ANKS1B: variants seen among roughly 807,000 people sequenced by gnomAD.
ANKS1B encodes ankyrin repeat and sterile alpha motif domain containing 1B.
Under a neutral mutation model 148.3 loss-of-function variants are expected in ANKS1B, and 36 were observed. That is an observed-to-expected ratio of 0.24 (90% confidence interval 0.19 to 0.32). The LOEUF is 0.32. Among genes scored for constraint, ANKS1B ranks in the 10% least tolerant of loss-of-function variants. ANKS1B has a pLI of 1.00. For missense variants in ANKS1B, 1,157 were observed against 1,542.6 expected (o/e 0.75, Z 4.19); for synonymous variants, 542 against 560.8 (o/e 0.97, Z 0.47).
At chr12:98,938,324 G>A (rs769723193) in intron 17 of ANKS1B, among the ~76,000 whole-genome samples, 25 of 152,100 alleles carry the variant, frequency 1.6e-4, no homozygotes, top group Non-Finnish European at 1.2e-4. Flanking sequence ...ATCAAGTGAC[G>A]TGAGCAAAAC....
At chr12:99,053,364 C>T (rs571654000) in intron 16 of ANKS1B, 55 bp from the exon 17 acceptor site, 85 of 1,324,520 alleles carry the variant, frequency 6.4e-5, no homozygotes, top group South Asian at 1.7e-4. Flanking sequence ...GTCCCAACAA[C>T]AGAATGCAGA....
At chr12:99,763,304 G>A (rs1601659282) in intron 8 of ANKS1B, among the ~76,000 whole-genome samples, 1 of 152,166 alleles carries the variant, frequency 6.6e-6, no homozygotes, top group African/African-American at 2.4e-5. Flanking sequence ...GGGATACTAT[G>A]CAGCCATAAA....
At chr12:99,226,857 GC>G (rs1416493842) in intron 14 of ANKS1B, among the ~76,000 whole-genome samples, 2 of 152,130 alleles carry the variant, frequency 1.3e-5, no homozygotes, top group African/African-American at 4.8e-5. Flanking sequence ...GGATTTTCAA[GC>G]CACTCAAAAA....
At chr12:99,340,242 A>C (rs961639957) in intron 12 of ANKS1B, among the ~76,000 whole-genome samples, 10 of 152,122 alleles carry the variant, frequency 6.6e-5, no homozygotes, top group African/African-American at 2.4e-5. Context: ...CTGATGATCA[A>C]AATTTATTTC....
intron 9 of ANKS1B, among the ~76,000 whole-genome samples, chr12:99,599,759 A>AC (rs2097786364): frequency 6.6e-6 from 1 of 152,022 alleles, no homozygotes; most frequent in African/African-American, 2.4e-5. Flanking sequence ...GCAAGGATGA[A>AC]CCTGGCTTTG....
chr12:99,847,483 G>A (rs1158006880), intron 1 of ANKS1B, among the ~76,000 whole-genome samples: 2 of 152,098 alleles, frequency 1.3e-5, no homozygotes, highest in African/African-American at 4.8e-5. Context: ...CATTCTAGAA[G>A]GAGTCCTGCC....
At chr12:99,589,736 C>T (rs1268788529) in intron 9 of ANKS1B, among the ~76,000 whole-genome samples, 1 of 152,016 alleles carries the variant, frequency 6.6e-6, no homozygotes, top group Non-Finnish European at 1.5e-5. Flanking sequence ...CTAATGGAAA[C>T]CACCTAAATG....
intron 10 of ANKS1B, among the ~76,000 whole-genome samples, chr12:99,480,791 T>C (rs1048203720): frequency 6.6e-6 from 1 of 151,878 alleles, no homozygotes; most frequent in Non-Finnish European, 1.5e-5. Flanking sequence ...ATATCTTCAT[T>C]AGTTTTTTCC....
At chr12:99,883,912 T>C (rs2092687032) in intron 1 of ANKS1B, among the ~76,000 whole-genome samples, 1 of 151,926 alleles carries the variant, frequency 6.6e-6, no homozygotes, top group African/African-American at 2.4e-5. Context: ...TGAGACTCTG[T>C]CTCAAAAAAT....
rs2076335554 is a variant in ANKS1B at position 99,158,709 on chromosome 12, T to G, written c.2420-4314A>C. Reference sequence around the variant, plus strand: ...TCCAAAGACAGACACTAAAACTTGGTAAAAACAGATTCTGAGATTCTGTAG... The same window carrying G: ...TCCAAAGACAGACACTAAAACTTGGGAAAAACAGATTCTGAGATTCTGTAG... On this transcript the variant is annotated intron_variant, in intron 14 of 26. Coordinates refer to ENST00000683438, the MANE Select transcript of ANKS1B (RefSeq NM_001352186.2). Among the ~76,000 whole-genome samples the G allele has an allele frequency of 7.3e-5, 3 of 41,280 alleles. No individual in the cohort carries two copies. The South Asian group carries it at 3.2e-3, about 44-fold the overall frequency. 27.1% of individuals were successfully genotyped at this position (41,280 alleles called of 152,430 possible).
chr12:99,819,095 T>C (rs986060332), intron 2 of ANKS1B, among the ~76,000 whole-genome samples: 4 of 151,890 alleles, frequency 2.6e-5, no homozygotes, highest in Non-Finnish European at 5.9e-5. Context: ...AATTAACATC[T>C]AATGAAACTC....
chr12:99,297,938 G>A (rs1028323304), intron 12 of ANKS1B, among the ~76,000 whole-genome samples: 7 of 151,144 alleles, frequency 4.6e-5, no homozygotes, highest in Non-Finnish European at 8.8e-5. Flanking sequence ...ATTAATCCAC[G>A]TTTTTATAAT....
intron 8 of ANKS1B, among the ~76,000 whole-genome samples, chr12:99,673,338 G>A (rs997783694): frequency 1.3e-5 from 2 of 151,940 alleles, no homozygotes; most frequent in African/African-American, 4.8e-5. Flanking sequence ...GTACTAGCCA[G>A]GATTCTTAGA....
intron 20 of ANKS1B, among the ~76,000 whole-genome samples, chr12:98,804,628 C>T (rs1042763252): frequency 6.6e-6 from 1 of 152,142 alleles, no homozygotes. Flanking sequence ...CAAAAGAGTT[C>T]AGAGAACAAG....
intron 16 of ANKS1B, among the ~76,000 whole-genome samples, chr12:99,081,148 G>T (rs1342927225): frequency 3.3e-5 from 5 of 152,148 alleles, no homozygotes; most frequent in Non-Finnish European, 7.4e-5. Context: ...TTAAAGAATA[G>T]CTATTCTTAC....
intron 9 of ANKS1B, among the ~76,000 whole-genome samples, chr12:99,551,420 T>C (rs1008981807): frequency 1.3e-5 from 2 of 151,834 alleles, no homozygotes; most frequent in African/African-American, 4.8e-5. Flanking sequence ...CATTGAACTA[T>C]GGAACTATGA....
At chr12:99,347,057 G>GA (rs1247542795) in intron 12 of ANKS1B, among the ~76,000 whole-genome samples, 4 of 151,924 alleles carry the variant, frequency 2.6e-5, no homozygotes, top group African/African-American at 4.8e-5. Context: ...ATTTTGTTCT[G>GA]AAAAAACTGT....
chr12:99,924,928 T>C (rs1603460744), intron 1 of ANKS1B, among the ~76,000 whole-genome samples: 1 of 152,278 alleles, frequency 6.6e-6, no homozygotes, highest in African/African-American at 2.4e-5. Context: ...CTTCATAGCA[T>C]TTATCACTAC....
At chr12:98,853,622 G>A (rs557600746) in intron 17 of ANKS1B, among the ~76,000 whole-genome samples, 1 of 152,314 alleles carries the variant, frequency 6.6e-6, no homozygotes, top group South Asian at 2.1e-4. Context: ...CGCTGGGAGA[G>A]GCCTCCTGTG....
Sources: allele counts gnomAD v4.1 joint callset (sites outside exome capture counted in the v4.1 genomes callset), GRCh38; gene constraint gnomAD v4.1.1; transcripts MANE v1.5; gene names NCBI Gene and HGNC (gene_info 2026-07-23, HGNC 2026-07-21).